Variants in KCNQ1OT1 observed in about 807,000 individuals in gnomAD.
The protein encoded by KCNQ1OT1 is KCNQ1 opposite strand/antisense transcript 1.
rs1849596401 is a variant in KCNQ1OT1 at position 2,642,561 on chromosome 11, C to CT, written n.57433dup. Reference sequence around the variant, plus strand: ...GATTTTATTCATGTAGGTCTTCTCTCTTTTCTTCTTGGATAGTTTAGCCAC... The same window carrying CT: ...GATTTTATTCATGTAGGTCTTCTCTCTTTTTCTTCTTGGATAGTTTAGCCAC... On this transcript the variant is annotated non_coding_transcript_exon_variant, in exon 1 of 1. Coordinates refer to ENST00000597346, the Ensembl canonical transcript of KCNQ1OT1. This position sits in a 1 kb window ranked among gnomAD's most constrained non-coding sequence, Gnocchi z 4.3. 1 of 397,728 alleles carries CT rather than the reference C, an allele frequency of 2.5e-6. No homozygotes were observed. Among genetic ancestry groups the CT allele is most frequent in the Admixed American group, 4.4e-5 (1 of 22,694 alleles). 24.6% of individuals were successfully genotyped at this position (397,728 alleles called of 1,614,324 possible). A position where few individuals can be genotyped will look rare whatever the true frequency, so the allele number is the denominator to read the frequency against.
rs2133836336 is a variant in KCNQ1OT1, at chr11:2,646,239, T to C, written n.53756A>G. On this transcript the variant is annotated non_coding_transcript_exon_variant, in exon 1 of 1. Coordinates refer to ENST00000597346, the Ensembl canonical transcript of KCNQ1OT1. ...TGCCAGATGCCTCTAGTCAGCCATCTTGAAGCCCCTGCTGATATCTGGATA... is the reference window on the plus strand; with the variant it reads ...TGCCAGATGCCTCTAGTCAGCCATCCTGAAGCCCCTGCTGATATCTGGATA... 5.0e-6 allele frequency: 2 copies of C among 398,698 alleles called. 1 individual carries two copies. The highest frequency in any genetic ancestry group is 2.5e-4 in the South Asian group (2 of 7,862). 24.7% of individuals were successfully genotyped at this position (398,698 alleles called of 1,614,324 possible). A position where few individuals can be genotyped will look rare whatever the true frequency, so the allele number is the denominator to read the frequency against.
chr11:2,649,050 T>G, exon 1 of KCNQ1OT1: 1 of 397,014 alleles, frequency 2.5e-6, no homozygotes. Flanking sequence ...TTTTGGTGTC[T>G]GTTTGTGTGG....
exon 1 of KCNQ1OT1, chr11:2,694,225 G>A (rs16928561): frequency 0.076 from 30,339 of 398,636 alleles, 1,429 homozygotes; most frequent in African/African-American, 0.12. Flanking sequence ...ATAGGTGTTA[G>A]ATGTGGCAGG....
rs1850150177 is a variant in KCNQ1OT1 at position 2,669,886 on chromosome 11, A to G, written n.30109T>C. 1 of 398,474 alleles carries G rather than the reference A, an allele frequency of 2.5e-6. No homozygotes were observed. Among genetic ancestry groups the G allele is most frequent in the Admixed American group, 4.4e-5 (1 of 22,708 alleles). 24.7% of individuals were successfully genotyped at this position (398,474 alleles called of 1,614,324 possible). A position where few individuals can be genotyped will look rare whatever the true frequency, so the allele number is the denominator to read the frequency against. On this transcript the variant is annotated non_coding_transcript_exon_variant, in exon 1 of 1. Coordinates refer to ENST00000597346, the Ensembl canonical transcript of KCNQ1OT1. The surrounding 1 kb of genome is among the most constrained non-coding windows in gnomAD (Gnocchi z 5.6). ...ATATGGCTGTCAGCTGCTGTCCTTAATAAGATGTGCCTAGAGGCCTGAGAG... is the reference window on the plus strand; with the variant it reads ...ATATGGCTGTCAGCTGCTGTCCTTAGTAAGATGTGCCTAGAGGCCTGAGAG...
At chr11:2,666,452 C>T (rs1364382867) in exon 1 of KCNQ1OT1, 7 of 398,590 alleles carry the variant, frequency 1.8e-5, no homozygotes, top group African/African-American at 1.4e-4. Context: ...CAACTTTCTC[C>T]TGGACCCTGC....
At chr11:2,628,954 A>G (rs1388231744) in exon 1 of KCNQ1OT1, 2 of 398,226 alleles carry the variant, frequency 5.0e-6, no homozygotes, top group African/African-American at 2.1e-5. Context: ...TATGCTTTCT[A>G]TTCTGTTCCA....
At chr11:2,693,528 C>T (rs533497180) in exon 1 of KCNQ1OT1, 14 of 398,664 alleles carry the variant, frequency 3.5e-5, no homozygotes, top group Non-Finnish European at 6.2e-5. Context: ...GGCTGAGGCC[C>T]GGGCTGCTAG....
rs1188954939 is a variant in KCNQ1OT1, at chr11:2,673,124, C to T, written n.26871G>A. 1 of 398,878 alleles carries T rather than the reference C, an allele frequency of 2.5e-6. No homozygotes were observed. Among genetic ancestry groups the T allele is most frequent in the Non-Finnish European group, 4.4e-6 (1 of 226,266 alleles). 24.7% of individuals were successfully genotyped at this position (398,878 alleles called of 1,614,324 possible). The stretch of plus-strand genomic sequence containing the variant: ...AGCAGGAGACCCCAGCAGGCAGCAT[C>T]AGGGCAGGGGTGCTGACCATCCCTG... On this transcript the variant is annotated non_coding_transcript_exon_variant, in exon 1 of 1. Coordinates refer to ENST00000597346, the Ensembl canonical transcript of KCNQ1OT1. This position sits in a 1 kb window ranked among gnomAD's most constrained non-coding sequence, Gnocchi z 4.5.
In KCNQ1OT1 at chr11:2,683,960, CT is replaced by C. The variant is rs560196106; in HGVS notation, n.16034del. 20,757 of 256,420 alleles carry C rather than the reference CT, an allele frequency of 0.081. 35 individuals are homozygous for C. Among genetic ancestry groups the C allele is most frequent in the East Asian group, 0.14 (1,777 of 13,046 alleles). 15.9% of individuals were successfully genotyped at this position (256,420 alleles called of 1,614,324 possible). A position where few individuals can be genotyped will look rare whatever the true frequency, so the allele number is the denominator to read the frequency against. On this transcript the variant is annotated non_coding_transcript_exon_variant, in exon 1 of 1. Coordinates refer to ENST00000597346, the Ensembl canonical transcript of KCNQ1OT1. The surrounding 1 kb of genome is among the most constrained non-coding windows in gnomAD (Gnocchi z 4.7). The stretch of plus-strand genomic sequence containing the variant: ...AGACAAAACCAGCTGACTGCTTTTA[CT>C]TTTTTTTTTTTTTCATTTAGAAGAA...
chr11:2,643,426 A>C, exon 1 of KCNQ1OT1: 1 of 398,302 alleles, frequency 2.5e-6, no homozygotes. Context: ...GTCTCTTTTT[A>C]GTGTTTTTAG....
chr11:2,666,029 G>GA, exon 1 of KCNQ1OT1: 1 of 398,676 alleles, frequency 2.5e-6, no homozygotes, highest in Non-Finnish European at 4.4e-6. Context: ...GGTTGCACAT[G>GA]GATACCTGAG....
chr11:2,674,278 T>G lies in KCNQ1OT1; in HGVS notation n.25717A>C, dbSNP rs1205256358. ...CTCTCCCAGCCCCCGGCACACACAC[T>G]AGGACCTTTCTTCATCATGCAGCCG... On this transcript the variant is annotated non_coding_transcript_exon_variant, in exon 1 of 1. Transcript: ENST00000597346. This position sits in a 1 kb window ranked among gnomAD's most constrained non-coding sequence, Gnocchi z 5.9. The G allele has an allele frequency of 2.5e-6, 1 of 398,550 alleles. No homozygotes were observed. Among genetic ancestry groups the G allele is most frequent in the Non-Finnish European group, 4.4e-6 (1 of 226,120 alleles). 24.7% of individuals were successfully genotyped at this position (398,550 alleles called of 1,614,324 possible). A position where few individuals can be genotyped will look rare whatever the true frequency, so the allele number is the denominator to read the frequency against.
chr11:2,699,950 G>C lies in KCNQ1OT1; in HGVS notation n.45C>G, dbSNP rs759266319. The stretch of plus-strand genomic sequence containing the variant: ...GGGCGCCCTGGCAGGATCTTGCTGA[G>C]GAGCTCCCTGGAGGTCCGTGCTGAG... On this transcript the variant is annotated non_coding_transcript_exon_variant, in exon 1 of 1. Coordinates refer to ENST00000597346, the Ensembl canonical transcript of KCNQ1OT1. 6.5e-5 allele frequency: 26 copies of C among 398,288 alleles called. 1 individual carries two copies. Among genetic ancestry groups the C allele is most frequent in the Non-Finnish European group, 6.2e-5 (14 of 225,904 alleles). 24.7% of individuals were successfully genotyped at this position (398,288 alleles called of 1,614,324 possible). A position where few individuals can be genotyped will look rare whatever the true frequency, so the allele number is the denominator to read the frequency against.
rs1849881468 is a variant in KCNQ1OT1, at chr11:2,657,999, T to C, written n.41996A>G. The C allele has an allele frequency of 2.5e-6, 1 of 398,582 alleles. No individual in the cohort carries two copies. Among genetic ancestry groups the C allele is most frequent in the Non-Finnish European group, 4.4e-6 (1 of 226,056 alleles). 24.7% of individuals were successfully genotyped at this position (398,582 alleles called of 1,614,324 possible). A position where few individuals can be genotyped will look rare whatever the true frequency, so the allele number is the denominator to read the frequency against. On this transcript the variant is annotated non_coding_transcript_exon_variant, in exon 1 of 1. Transcript: ENST00000597346. This position sits in a 1 kb window ranked among gnomAD's most constrained non-coding sequence, Gnocchi z 4.8. ...GCCAGGCTCCTCCACTGTAAGTGAA[T>C]AGCTGTTTTTCCCTTTCCATAGCTT... is the stretch of plus-strand genomic sequence containing the variant.
chr11:2,653,184 TC>T lies in KCNQ1OT1; in HGVS notation n.46810del. On this transcript the variant is annotated non_coding_transcript_exon_variant, in exon 1 of 1. Transcript: ENST00000597346. This position sits in a 1 kb window ranked among gnomAD's most constrained non-coding sequence, Gnocchi z 5.3. ...CCTTAGGAAATCCCTTTCCAAGAGT[TC>T]CCTGTGCTGTTGCAGGGCTAGGGCC... is the stretch of plus-strand genomic sequence containing the variant. 2.5e-6 allele frequency: 1 copy of T among 398,728 alleles called. No individual in the cohort carries two copies. Among genetic ancestry groups the T allele is most frequent in the Non-Finnish European group, 4.4e-6 (1 of 226,116 alleles). The allele number at this position is 398,728 out of a possible 1,614,324, so 24.7% of individuals were successfully genotyped here. A position where few individuals can be genotyped will look rare whatever the true frequency, so the allele number is the denominator to read the frequency against.
At chr11:2,630,946 T>G (rs1037536287) in exon 1 of KCNQ1OT1, 5 of 398,450 alleles carry the variant, frequency 1.3e-5, no homozygotes, top group African/African-American at 8.2e-5. Context: ...AGAAATCCAC[T>G]GATAGCCTTA....
At chr11:2,644,556 C>G (rs1849637441) in exon 1 of KCNQ1OT1, 2 of 398,182 alleles carry the variant, frequency 5.0e-6, no homozygotes, top group South Asian at 2.6e-4. Context: ...TCATCAATTT[C>G]TTTTTCACTG....
chr11:2,675,297 G>A (rs1850273810), exon 1 of KCNQ1OT1: 1 of 398,378 alleles, frequency 2.5e-6, no homozygotes, highest in African/African-American at 2.1e-5. Flanking sequence ...CAGAGTTTTG[G>A]CAATATAAAA....
At chr11:2,629,652 T>C (rs1330248764) in exon 1 of KCNQ1OT1, 3 of 398,456 alleles carry the variant, frequency 7.5e-6, no homozygotes, top group Non-Finnish European at 8.9e-6. Flanking sequence ...TATGAAAGGA[T>C]TTATTTGGGA....
Sources: allele counts gnomAD v4.1 joint callset, GRCh38; gene constraint gnomAD v4.1.1; non-coding constraint Gnocchi (gnomAD v3.1); transcripts MANE v1.5; gene names NCBI Gene and HGNC (gene_info 2026-07-23, HGNC 2026-07-21).